Variants in CREB1 observed in about 807,000 individuals in gnomAD.
CREB1 encodes the protein cyclic AMP-responsive element-binding protein 1.
In CREB1, 2 loss-of-function variants were observed where a neutral mutation model predicts 42.0. The observed-to-expected ratio is 0.05, with a 90% CI of 0.02 to 0.15. The LOEUF (loss-of-function observed/expected upper bound fraction) is 0.15, where lower values mean the gene tolerates loss of function less well. Ranked by LOEUF, CREB1 falls within the 10% of genes least tolerant of loss-of-function variation. CREB1 has a pLI of 1.00. For synonymous variants in CREB1, 123 were observed against 139.9 expected (o/e 0.88, Z 0.85); for missense variants, 199 against 388.9 (o/e 0.51, Z 4.11).
chr2:207,561,188 G>T (rs763320680), intron 3 of CREB1: 2 of 1,571,306 alleles, frequency 1.3e-6, no homozygotes, highest in African/African-American at 1.4e-5. Flanking sequence ...GATTTGGAGA[G>T]AACTATTATT....
intron 7 of CREB1, among the ~76,000 whole-genome samples, chr2:207,594,724 G>T (rs1352484285): frequency 6.6e-6 from 1 of 152,066 alleles, no homozygotes; most frequent in East Asian, 1.9e-4. Context: ...AGTTCTTTTG[G>T]ATCTGTAGCA....
At position 207,581,726 on chromosome 2, in the gene CREB1, A is replaced by G. The variant is rs962239652; in HGVS notation, c.839+4071A>G. The G allele has an allele frequency of 1.5e-4, 90 of 606,940 alleles. No homozygotes were observed. In the East Asian group the frequency reaches 2.5e-3, roughly 17 times the overall value. 37.6% of individuals were successfully genotyped at this position (606,940 alleles called of 1,614,324 possible). A position where few individuals can be genotyped will look rare whatever the true frequency, so the allele number is the denominator to read the frequency against. Reference sequence around the variant, plus strand: ...CATAACCAGGGTACATTTATCAAAAATAAAAGTACATTGGTATAATACCAT... The same window carrying G: ...CATAACCAGGGTACATTTATCAAAAGTAAAAGTACATTGGTATAATACCAT... On this transcript the variant is annotated intron_variant, in intron 7 of 7. Coordinates refer to ENST00000353267, the MANE Select transcript of CREB1 (RefSeq NM_004379.5).
intron 7 of CREB1, among the ~76,000 whole-genome samples, chr2:207,595,625 A>G (rs2085995365): frequency 6.6e-6 from 1 of 152,054 alleles, no homozygotes; most frequent in African/African-American, 2.4e-5. Context: ...TGCAGGTGGC[A>G]GGATCACGGC....
rs530684343 is a variant in CREB1 at position 207,598,017 on chromosome 2, A to G, written c.*959A>G. ...TTTCTAATTTACTGTTGCCCATTGCACTTACATACCACCACCAAGAAAGCC... is the reference window on the plus strand; with the variant it reads ...TTTCTAATTTACTGTTGCCCATTGCGCTTACATACCACCACCAAGAAAGCC... On this transcript the variant is annotated 3_prime_UTR_variant, in exon 8 of 8. Coordinates refer to ENST00000353267, the MANE Select transcript of CREB1 (RefSeq NM_004379.5). 5.5e-6 allele frequency: 1 copy of G among 182,450 alleles called. No individual in the cohort carries two copies. The highest frequency in any genetic ancestry group is 6.3e-5 in the Admixed American group (1 of 15,968). The allele number at this position is 182,450 out of a possible 1,614,324, so 11.3% of individuals were successfully genotyped here.
intron 7 of CREB1, among the ~76,000 whole-genome samples, chr2:207,590,462 CTGATCTT>C (rs934300007): frequency 6.6e-6 from 1 of 151,876 alleles, no homozygotes; most frequent in African/African-American, 2.4e-5. Flanking sequence ...GATTTGTACT[CTGATCTT>C]TGTTATTTTC....
At chr2:207,547,486 A>T (rs2081341207) in intron 1 of CREB1, among the ~76,000 whole-genome samples, 1 of 152,152 alleles carries the variant, frequency 6.6e-6, no homozygotes, top group South Asian at 2.1e-4. Flanking sequence ...GAAGTATGTG[A>T]TCCTTTTTTT....
chr2:207,577,546 C>T lies in CREB1; in HGVS notation c.730C>T (p.Pro244Ser), dbSNP rs777351064. ...DVQTYQIRTA[P>S]TSTIAPGVVM... ...ACAAACATACCAGATTCGCACAGCA[C>T]CCACTAGCACTATTGCCCCTGGAGT... The change falls in exon 7 of 8, where the codon CCC (proline) becomes TCC (serine). Residue 244 changes from proline (P) to serine (S), a missense_variant. By Grantham distance (74) the Pro-to-Ser change is moderately conservative (BLOSUM62 -1). This residue lies in a region of CREB1 where 66 missense variants were observed against 88.1 expected (regional missense o/e 0.75). Coordinates refer to ENST00000353267, the MANE Select transcript of CREB1 (RefSeq NM_004379.5). 1.9e-6 allele frequency: 3 copies of T among 1,614,052 alleles called. No individual in the cohort carries two copies. The highest frequency in any genetic ancestry group is 1.7e-6 in the Non-Finnish European group (2 of 1,179,974).
intron 7 of CREB1, among the ~76,000 whole-genome samples, chr2:207,591,678 T>C (rs1304625379): frequency 6.6e-6 from 1 of 152,090 alleles, no homozygotes; most frequent in Non-Finnish European, 1.5e-5. Flanking sequence ...AGTTATCCGC[T>C]CACCTCAGCC....
intron 4 of CREB1, among the ~76,000 whole-genome samples, chr2:207,569,001 C>G (rs2082248249): frequency 6.6e-6 from 1 of 151,990 alleles, no homozygotes; most frequent in Non-Finnish European, 1.5e-5. Flanking sequence ...GTTTATCCAT[C>G]CTGATTTTTT....
intron 1 of CREB1, among the ~76,000 whole-genome samples, chr2:207,533,738 C>G (rs749738445): frequency 2.3e-4 from 35 of 151,802 alleles, no homozygotes; most frequent in Non-Finnish European, 3.8e-4. Flanking sequence ...GTAAACTCAT[C>G]TGTACTGCAG....
In CREB1 at chr2:207,577,734, A is replaced by T. The variant is rs772294500; in HGVS notation, c.839+79A>T. On this transcript the variant is annotated intron_variant, in intron 7 of 7. Transcript: ENST00000353267. ...CTGCTGGATGTGTATCTTTACATCT[A>T]CTGGTAATAGGATCTTTGCATTGAA... 8.5e-6 allele frequency: 13 copies of T among 1,532,484 alleles called. No individual in the cohort carries two copies. In the Admixed American group the frequency reaches 2.3e-4, roughly 28 times the overall value. The allele number at this position is 1,532,484 out of a possible 1,614,324, so 94.9% of individuals were successfully genotyped here. A position where few individuals can be genotyped will look rare whatever the true frequency, so the allele number is the denominator to read the frequency against.
chr2:207,572,317 C>T (rs2082399496), intron 5 of CREB1, among the ~76,000 whole-genome samples: 1 of 151,684 alleles, frequency 6.6e-6, no homozygotes, highest in East Asian at 1.9e-4. Flanking sequence ...TATATGTACA[C>T]ATGGCTTTGG....
At chr2:207,589,105 A>G (rs2084476844) in intron 7 of CREB1, among the ~76,000 whole-genome samples, 1 of 152,082 alleles carries the variant, frequency 6.6e-6, no homozygotes, top group African/African-American at 2.4e-5. Flanking sequence ...CTATTGCTGC[A>G]TGTCACAAAC....
intron 1 of CREB1, among the ~76,000 whole-genome samples, chr2:207,543,849 C>T (rs2081195628): frequency 6.6e-6 from 1 of 152,186 alleles, no homozygotes; most frequent in African/African-American, 2.4e-5. Context: ...GTGATCTGCC[C>T]ACCTCAGCCT....
At chr2:207,555,481 A>G (rs777904486) in intron 1 of CREB1, 147 bp from the exon 2 acceptor site, 1 of 509,534 alleles carries the variant, frequency 2.0e-6, no homozygotes, top group Non-Finnish European at 3.5e-6. Flanking sequence ...ATGGTAATTC[A>G]GCTACATTAT....
At chr2:207,566,554 A>C (rs185902044) in intron 3 of CREB1, among the ~76,000 whole-genome samples, 2 of 152,208 alleles carry the variant, frequency 1.3e-5, no homozygotes, top group African/African-American at 2.4e-5. Flanking sequence ...GTTTGAGACT[A>C]TAACAGTCTG....
Position 207,602,661 on chromosome 2 carries a change from T to C in CREB1, c.*5603T>C, listed in dbSNP as rs2087286394. On this transcript the variant is annotated 3_prime_UTR_variant, in exon 8 of 8. Transcript: ENST00000353267. Reference sequence around the variant, plus strand: ...ATCTATCATTGTGTTTGGGAGGTTTTATTTTCTTATGTTTTTAAAATTGGT... The same window carrying C: ...ATCTATCATTGTGTTTGGGAGGTTTCATTTTCTTATGTTTTTAAAATTGGT... 1 of 210,720 alleles carries C rather than the reference T, an allele frequency of 4.7e-6. No homozygotes were observed. Among genetic ancestry groups the C allele is most frequent in the African/African-American group, 2.3e-5 (1 of 44,146 alleles). 13.1% of individuals were successfully genotyped at this position (210,720 alleles called of 1,614,324 possible). A position where few individuals can be genotyped will look rare whatever the true frequency, so the allele number is the denominator to read the frequency against.
intron 7 of CREB1, among the ~76,000 whole-genome samples, chr2:207,583,094 T>G (rs2083230072): frequency 1.3e-5 from 2 of 152,118 alleles, no homozygotes; most frequent in African/African-American, 4.8e-5. Flanking sequence ...TAACAACTAT[T>G]TACATAGTAT....
intron 7 of CREB1, among the ~76,000 whole-genome samples, chr2:207,583,675 T>A (rs544178669): frequency 6.6e-6 from 1 of 152,214 alleles, no homozygotes; most frequent in Non-Finnish European, 1.5e-5. Context: ...GTTTTTATCC[T>A]TAAATTTGCA....
Sources: allele counts gnomAD v4.1 joint callset (sites outside exome capture counted in the v4.1 genomes callset), GRCh38; gene constraint gnomAD v4.1.1; regional missense constraint gnomAD v4.1.1; transcripts MANE v1.5; gene names NCBI Gene and HGNC (gene_info 2026-07-23, HGNC 2026-07-21).